The following TMEM65 variants were observed in gnomAD, a reference collection of about 807,000 sequenced individuals.
The protein encoded by TMEM65 is transmembrane protein 65.
Under a neutral mutation model 25.4 loss-of-function variants are expected in TMEM65, and 22 were observed. That is an observed-to-expected ratio of 0.86 (90% confidence interval 0.62 to 1.23). TMEM65 has a LOEUF of 1.23. Ranked by LOEUF, TMEM65 falls within the 50% of genes most tolerant of loss-of-function variation. The pLI, the probability that TMEM65 is intolerant of heterozygous loss-of-function variation, is 0.00. For missense variants in TMEM65, 262 were observed against 308.2 expected, an observed-to-expected ratio of 0.85 and a Z score of 1.12; for synonymous variants, 132 against 126.2, an observed-to-expected ratio of 1.05 and a Z score of -0.31.
At chr8:124,357,797 C>CTT (rs900884421) in intron 1 of TMEM65, among the ~76,000 whole-genome samples, 6 of 59,014 alleles carry the variant, frequency 1.0e-4, no homozygotes, top group African/African-American at 4.2e-4. Flanking sequence ...TCAGACAAAC[C>CTT]TTTTTTTTTA....
At chr8:124,349,714 CTAAACATTCA>C (rs1814682203) in intron 1 of TMEM65, among the ~76,000 whole-genome samples, 1 of 152,084 alleles carries the variant, frequency 6.6e-6, no homozygotes, top group Non-Finnish European at 1.5e-5. Flanking sequence ...GATGTACCAC[CTAAACATTCA>C]TAAAGAAGCA....
chr8:124,350,975 C>T, intron 1 of TMEM65: 1 of 985,092 alleles, frequency 1.0e-6, no homozygotes, highest in South Asian at 4.7e-5. Flanking sequence ...TTCAAACAAG[C>T]AAGAAGTTCC....
chr8:124,370,499 G>A (rs574823349), intron 1 of TMEM65, among the ~76,000 whole-genome samples: 2 of 152,298 alleles, frequency 1.3e-5, no homozygotes, highest in East Asian at 1.9e-4. Context: ...GTTTCATTAT[G>A]ATTGCATATA....
intron 5 of TMEM65, among the ~76,000 whole-genome samples, chr8:124,321,141 A>G (rs1459009632): frequency 6.6e-6 from 1 of 152,172 alleles, no homozygotes; most frequent in Non-Finnish European, 1.5e-5. Flanking sequence ...AAGAATATAA[A>G]ATTCTTGCCA....
intron 1 of TMEM65, among the ~76,000 whole-genome samples, chr8:124,354,082 A>T (rs1156564867): frequency 6.6e-6 from 1 of 152,164 alleles, no homozygotes; most frequent in Non-Finnish European, 1.5e-5. Flanking sequence ...AAATATATTC[A>T]TGAGGAAAGA....
intron 1 of TMEM65, among the ~76,000 whole-genome samples, chr8:124,361,820 A>G (rs928502001): frequency 1.3e-5 from 2 of 151,968 alleles, no homozygotes; most frequent in Non-Finnish European, 2.9e-5. Flanking sequence ...TGGGCAACAG[A>G]GCAAAACTCC....
In TMEM65 at chr8:124,372,079, G is replaced by A. The variant is rs892784704; in HGVS notation, c.79C>T (p.Arg27Cys). ...RPGPAAAAAP[R>C]PPSWCCCGRG... The stretch of plus-strand genomic sequence containing the variant: ...CCGCAGCAGCACCAGGACGGCGGGC[G>A]GGGCGCGGCGGCGGCGGCCGGGCCC... The change falls in exon 1 of 7, where the codon CGC (arginine) becomes TGC (cysteine). Residue 27 changes from arginine to cysteine, a missense_variant. Arg to Cys is a radical substitution (Grantham distance 180). Coordinates refer to ENST00000297632, the MANE Select transcript of TMEM65 (RefSeq NM_194291.3). The A allele has an allele frequency of 2.7e-6, 3 of 1,129,672 alleles. No homozygotes were observed. The highest frequency in any genetic ancestry group is 3.3e-5 in the African/African-American group (2 of 60,568). The allele number at this position is 1,129,672 out of a possible 1,614,324, so 70.0% of individuals were successfully genotyped here.
At chr8:124,338,512 A>T (rs1191238465) in intron 1 of TMEM65, among the ~76,000 whole-genome samples, 1 of 152,130 alleles carries the variant, frequency 6.6e-6, no homozygotes, top group African/African-American at 2.4e-5. Context: ...TGTTACACTC[A>T]TATTTTCATG....
intron 6 of TMEM65, among the ~76,000 whole-genome samples, chr8:124,314,334 C>A (rs1222162817): frequency 6.6e-6 from 1 of 152,212 alleles, no homozygotes; most frequent in Non-Finnish European, 1.5e-5. Context: ...TTAAAGACTT[C>A]TAAGTTCAAC....
chr8:124,372,089 G>A lies in TMEM65; in HGVS notation c.69C>T (p.Ala23=), dbSNP rs1815025316. 2 of 1,109,226 alleles carry A rather than the reference G, an allele frequency of 1.8e-6. No homozygotes were observed. Among genetic ancestry groups the A allele is most frequent in the Non-Finnish European group, 2.2e-6 (2 of 911,242 alleles). 68.7% of individuals were successfully genotyped at this position (1,109,226 alleles called of 1,614,324 possible). ...ARSLRPGPAA[A]AAPRPPSWCC... ...ACCAGGACGGCGGGCGGGGCGCGGCGGCGGCGGCCGGGCCCGGCCTCAGGC... is the reference window on the plus strand; with the variant it reads ...ACCAGGACGGCGGGCGGGGCGCGGCAGCGGCGGCCGGGCCCGGCCTCAGGC... The change falls in exon 1 of 7, where the codon GCC becomes GCT. Residue 23 remains alanine (A), a synonymous_variant. Coordinates refer to ENST00000297632, the MANE Select transcript of TMEM65 (RefSeq NM_194291.3).
intron 6 of TMEM65, among the ~76,000 whole-genome samples, chr8:124,315,525 A>G (rs1382951137): frequency 6.6e-6 from 1 of 151,786 alleles, no homozygotes; most frequent in East Asian, 1.9e-4. Context: ...GTTTCACTGT[A>G]TTAGCCAGGA....
chr8:124,329,145 A>G (rs1333506412), intron 2 of TMEM65, among the ~76,000 whole-genome samples: 1 of 152,056 alleles, frequency 6.6e-6, no homozygotes, highest in Non-Finnish European at 1.5e-5. Context: ...ATTATTTGTT[A>G]TTAAAGGTTG....
chr8:124,349,343 TA>T (rs61546757), intron 1 of TMEM65, among the ~76,000 whole-genome samples: 4 of 151,556 alleles, frequency 2.6e-5, no homozygotes, highest in Non-Finnish European at 5.9e-5. Flanking sequence ...ACATTTTTTT[TA>T]AAAAAAAATT....
At chr8:124,326,240 C>T (rs72711169) in intron 3 of TMEM65, among the ~76,000 whole-genome samples, 50,174 of 151,732 alleles carry the variant, frequency 0.33, 9,356 homozygotes, top group Non-Finnish European at 0.42. Context: ...TTTTTTTCTC[C>T]TCCCACTAAA....
intron 1 of TMEM65, among the ~76,000 whole-genome samples, chr8:124,357,829 C>CTTTTTT (rs35830531): frequency 2.8e-5 from 3 of 105,842 alleles, no homozygotes; most frequent in Admixed American, 1.2e-4. Context: ...ACTTTTTTAT[C>CTTTTTT]TTTTTTTTTT....
intron 1 of TMEM65, among the ~76,000 whole-genome samples, chr8:124,333,594 C>G (rs1814464462): frequency 6.6e-6 from 1 of 151,930 alleles, no homozygotes; most frequent in Non-Finnish European, 1.5e-5. Context: ...ACCACATTTG[C>G]CATATTACTT....
In TMEM65 at chr8:124,312,604, C is replaced by A. The variant is rs536756691; in HGVS notation, c.*1356G>T. 1 of 151,886 alleles carries A rather than the reference C, an allele frequency of 6.6e-6. No homozygotes were observed. The highest frequency in any genetic ancestry group is 1.5e-5 in the Non-Finnish European group (1 of 67,850). The allele number at this position is 151,886 out of a possible 1,614,324, so 9.4% of individuals were successfully genotyped here. ...TTTAATTACGCTGTTACAAGTAAGA[C>A]TAATTTTTTAGCATGTGTAACAGAC... On this transcript the variant is annotated 3_prime_UTR_variant, in exon 7 of 7. Coordinates refer to ENST00000297632, the MANE Select transcript of TMEM65 (RefSeq NM_194291.3).
chr8:124,356,974 A>T (rs186606502), intron 1 of TMEM65, among the ~76,000 whole-genome samples: 232 of 151,910 alleles, frequency 1.5e-3, no homozygotes, highest in Non-Finnish European at 2.3e-3. Context: ...TCCCAAAGTG[A>T]TGGGATTACA....
At chr8:124,323,123 T>A (rs1421096264) in intron 4 of TMEM65, among the ~76,000 whole-genome samples, 198 bp downstream of exon 4, 1 of 152,116 alleles carries the variant, frequency 6.6e-6, no homozygotes, top group East Asian at 1.9e-4. Flanking sequence ...ATCCAATAAC[T>A]AATAATATAA....
Sources: gnomAD v4.1 joint callset for allele counts (sites outside exome capture counted in the v4.1 genomes callset) on GRCh38, gnomAD v4.1.1 for gene constraint, MANE v1.5 for transcripts, NCBI Gene and HGNC (gene_info 2026-07-23, HGNC 2026-07-21) for gene names.